The following CHN2 variants were observed in gnomAD, a reference collection of about 807,000 sequenced individuals.
CHN2 encodes the protein beta-chimaerin.
Under a neutral mutation model 56.3 loss-of-function variants are expected in CHN2, and 35 were observed. That is an observed-to-expected ratio of 0.62 (90% CI 0.47 to 0.82). The LOEUF is 0.82. Ranked by LOEUF, CHN2 falls within the 40% of genes least tolerant of loss-of-function variation. The pLI, the probability that CHN2 is intolerant of heterozygous loss-of-function variation, is 0.00. For missense variants in CHN2, 491 were observed against 580.5 expected, an observed-to-expected ratio of 0.85 and a Z score of 1.58; for synonymous variants, 210 against 212.8, an observed-to-expected ratio of 0.99 and a Z score of 0.12.
intron 1 of CHN2, among the ~76,000 whole-genome samples, chr7:29,224,949 T>G (rs1401578934): frequency 6.6e-6 from 1 of 152,008 alleles, no homozygotes. Flanking sequence ...AGAGAGAAAA[T>G]AAGGATAAAG....
chr7:29,237,339 G>T (rs13225222), intron 1 of CHN2, among the ~76,000 whole-genome samples: 19,626 of 152,000 alleles, frequency 0.13, 1,650 homozygotes, highest in Non-Finnish European at 0.19. Context: ...TTCCTCATCA[G>T]ATTCCTGATG....
chr7:29,326,792 C>T (rs1795835938), intron 1 of CHN2, among the ~76,000 whole-genome samples: 1 of 152,124 alleles, frequency 6.6e-6, no homozygotes, highest in Admixed American at 6.5e-5. Flanking sequence ...CTCCACGATC[C>T]TTCATAGAGT....
intron 1 of CHN2, among the ~76,000 whole-genome samples, chr7:29,196,332 G>A (rs914444159): frequency 1.3e-5 from 2 of 152,196 alleles, no homozygotes; most frequent in Admixed American, 6.5e-5. Flanking sequence ...TTGAAAACAC[G>A]TTGTTGTTAG....
chr7:29,436,801 A>G (rs1043585031), intron 6 of CHN2, among the ~76,000 whole-genome samples: 8 of 152,188 alleles, frequency 5.3e-5, no homozygotes, highest in Admixed American at 5.2e-4. Flanking sequence ...TCCAGTGTAC[A>G]TTCAGTGAAA....
intron 6 of CHN2, among the ~76,000 whole-genome samples, chr7:29,425,857 C>T (rs1158131720): frequency 6.6e-6 from 1 of 152,008 alleles, no homozygotes; most frequent in Non-Finnish European, 1.5e-5. Context: ...ACATATCTTA[C>T]AGGGTGTGTG....
At chr7:29,342,381 C>A (rs191800669) in intron 1 of CHN2, among the ~76,000 whole-genome samples, 19 of 152,338 alleles carry the variant, frequency 1.2e-4, no homozygotes, top group Admixed American at 1.2e-3. Flanking sequence ...AGCTTCTCTT[C>A]CATCTCTACT....
At chr7:29,496,188 C>G in intron 8 of CHN2, 152 bp downstream of exon 8, 1 of 490,694 alleles carries the variant, frequency 2.0e-6, no homozygotes, top group Admixed American at 4.3e-5. Flanking sequence ...AATGGGGAAA[C>G]TATTTCAAGT....
chr7:29,233,953 C>A (rs1373809485), intron 1 of CHN2, among the ~76,000 whole-genome samples: 1 of 147,974 alleles, frequency 6.8e-6, no homozygotes, highest in African/African-American at 2.5e-5. Context: ...CCTGCCTCAG[C>A]CTCCCAAGTA....
At chr7:29,424,155 A>G (rs1017904076) in intron 6 of CHN2, among the ~76,000 whole-genome samples, 2 of 152,214 alleles carry the variant, frequency 1.3e-5, no homozygotes, top group Non-Finnish European at 2.9e-5. Flanking sequence ...AGAAGAAGTT[A>G]TTTTTTGGTG....
At chr7:29,223,200 A>G (rs562558423) in intron 1 of CHN2, among the ~76,000 whole-genome samples, 14 of 152,328 alleles carry the variant, frequency 9.2e-5, no homozygotes, top group Admixed American at 3.3e-4. Context: ...AAGACTGACA[A>G]TGTCAAGCTA....
At chr7:29,311,813 T>C (rs1415998754) in intron 1 of CHN2, among the ~76,000 whole-genome samples, 2 of 152,246 alleles carry the variant, frequency 1.3e-5, no homozygotes, top group African/African-American at 2.4e-5. Context: ...TTACTCAGCA[T>C]CTGCCATGTG....
intron 8 of CHN2, 31 bp downstream of exon 8, chr7:29,496,067 A>T: frequency 6.4e-7 from 1 of 1,551,862 alleles, no homozygotes; most frequent in African/African-American, 1.4e-5. Context: ...TTTTCCAATT[A>T]TATGAAATGC....
rs1232710416 is a variant in CHN2, at chr7:29,512,595, A to G, written c.1267A>G (p.Asn423Asp). ...VTMNEKDNFM[N>D]AENLGIVFGP... is the part of the protein sequence containing the mutation. ...TATGAATGAAAAAGACAATTTCATG[A>G]ATGCAGAAAATCTGGGGATCGTGTT... is the stretch of plus-strand genomic sequence containing the variant. The change falls in exon 13 of 13, where the codon AAT (asparagine) becomes GAT (aspartate). Residue 423 changes from asparagine (N) to aspartate (D), a missense_variant. Physicochemically the swap from Asn to Asp is conservative, Grantham distance 23 (BLOSUM62 1). Transcript: ENST00000222792. 1 of 1,613,238 alleles carries G rather than the reference A, an allele frequency of 6.2e-7. No homozygotes were observed. The highest frequency in any genetic ancestry group is 2.2e-5 in the East Asian group (1 of 44,880).
At chr7:29,383,501 T>C (rs936877442) in intron 3 of CHN2, among the ~76,000 whole-genome samples, 6 of 152,192 alleles carry the variant, frequency 3.9e-5, no homozygotes, top group Non-Finnish European at 8.8e-5. Flanking sequence ...TACTCAGTCA[T>C]TGAGTCAAAG....
chr7:29,167,712 A>G (rs1042994337), intron 2 of CHN2, among the ~76,000 whole-genome samples: 3 of 152,198 alleles, frequency 2.0e-5, no homozygotes, highest in Non-Finnish European at 4.4e-5. Flanking sequence ...AATCTGATAG[A>G]AAAAAACTGG....
intron 1 of CHN2, among the ~76,000 whole-genome samples, chr7:29,204,885 A>T (rs1343476799): frequency 6.6e-6 from 1 of 152,250 alleles, no homozygotes; most frequent in African/African-American, 2.4e-5. Flanking sequence ...AATTAATATC[A>T]GATTAAGATT....
At chr7:29,419,767 C>A (rs746078844) in intron 6 of CHN2, among the ~76,000 whole-genome samples, 42 of 152,152 alleles carry the variant, frequency 2.8e-4, no homozygotes, top group Non-Finnish European at 5.0e-4. Context: ...TAAGGAAATG[C>A]AAATGAAAAC....
chr7:29,373,346 T>G (rs1326921472), intron 3 of CHN2, among the ~76,000 whole-genome samples: 1 of 152,104 alleles, frequency 6.6e-6, no homozygotes, highest in Non-Finnish European at 1.5e-5. Context: ...CTGGCTCATT[T>G]TTTTTTTAAG....
chr7:29,438,913 C>T (rs1050261923), intron 6 of CHN2, among the ~76,000 whole-genome samples: 2 of 152,222 alleles, frequency 1.3e-5, no homozygotes, highest in African/African-American at 4.8e-5. Flanking sequence ...AATTCCTCTT[C>T]AAACATTGGA....
Sources: allele counts gnomAD v4.1 joint callset (sites outside exome capture counted in the v4.1 genomes callset), GRCh38; gene constraint gnomAD v4.1.1; transcripts MANE v1.5; gene names NCBI Gene and HGNC (gene_info 2026-07-23, HGNC 2026-07-21).